VAV2: variants seen among roughly 807,000 people sequenced by gnomAD.
VAV2 encodes guanine nucleotide exchange factor VAV2.
In VAV2, 67 loss-of-function variants were observed where a neutral mutation model predicts 132.5. The observed-to-expected ratio is 0.51, with a 90% CI of 0.42 to 0.62. VAV2 has a LOEUF of 0.62. Ranked by LOEUF, VAV2 falls within the 20% of genes least tolerant of loss-of-function variation. VAV2 has a pLI of 0.00. For missense variants in VAV2, 938 were observed against 1,153.6 expected (o/e 0.81, Z 2.71); for synonymous variants, 492 against 443.5 (o/e 1.11, Z -1.37).
Position 133,777,407 on chromosome 9 carries a change from G to A in VAV2, c.1947C>T (p.Pro649=), listed in dbSNP as rs763484800. ...GACTCACCCTTCCATCCACAGGGCA[G>A]GGCTTCACAGATGAGCTGGGGAAAT... ...SGYFPSSSVK[P]CPVDGRPPIS... Residue 649 remains proline, a synonymous_variant, in exon 23 of 30, where the codon CCC becomes CCT. Transcript: ENST00000371850. 2.5e-6 allele frequency: 4 copies of A among 1,613,834 alleles called. No homozygotes were observed. In the South Asian group the frequency reaches 4.4e-5, roughly 18 times the overall value.
intron 2 of VAV2, among the ~76,000 whole-genome samples, chr9:133,868,299 C>G (rs564059465): frequency 2.6e-5 from 4 of 152,198 alleles, no homozygotes. Context: ...TGAGGTGGGG[C>G]GCGGTGGGGA....
At chr9:133,850,989 C>T (rs1250815181) in intron 3 of VAV2, among the ~76,000 whole-genome samples, 1 of 152,232 alleles carries the variant, frequency 6.6e-6, no homozygotes, top group Non-Finnish European at 1.5e-5. Flanking sequence ...CCCGAGTAGG[C>T]CTAGGGCAGG....
chr9:133,818,443 C>T (rs927234556), intron 4 of VAV2, among the ~76,000 whole-genome samples: 6 of 152,014 alleles, frequency 3.9e-5, no homozygotes, highest in African/African-American at 9.7e-5. Context: ...CCTCAGACAT[C>T]GGAACTCCTC....
At chr9:133,784,199 C>T (rs1016881622) in intron 18 of VAV2, 118 bp downstream of exon 18, 4 of 1,130,826 alleles carry the variant, frequency 3.5e-6, no homozygotes, top group Non-Finnish European at 5.3e-6. Context: ...GGGGTATACT[C>T]CCTTAACCCC....
intron 4 of VAV2, among the ~76,000 whole-genome samples, chr9:133,829,433 G>A (rs544262047): frequency 5.9e-5 from 9 of 152,276 alleles, no homozygotes; most frequent in South Asian, 2.1e-4. Context: ...TGTGCTACCC[G>A]GCACAGAGCC....
chr9:133,982,030 G>A (rs1376587963), intron 1 of VAV2, among the ~76,000 whole-genome samples: 1 of 152,216 alleles, frequency 6.6e-6, no homozygotes, highest in Non-Finnish European at 1.5e-5. Context: ...CAAACTGTGC[G>A]ACCCGGAAGG....
At position 133,788,289 on chromosome 9, in the gene VAV2, C is replaced by G; in HGVS notation, c.1407+65G>C. 7.3e-7 allele frequency: 1 copy of G among 1,374,630 alleles called. No homozygotes were observed. The highest frequency in any genetic ancestry group is 9.8e-7 in the Non-Finnish European group (1 of 1,021,970). 85.2% of individuals were successfully genotyped at this position (1,374,630 alleles called of 1,614,324 possible). ...AGTCCCCTTCCCCTGGGGTCTGGAA[C>G]CCAGTGCCTCTCTCCAGGCCACCCC... On this transcript the variant is annotated intron_variant, in intron 15 of 29. Coordinates refer to ENST00000371850, the MANE Select transcript of VAV2 (RefSeq NM_001134398.2). The surrounding 1 kb of genome is among the most constrained non-coding windows in gnomAD (Gnocchi z 5.3).
chr9:133,926,034 C>T lies in VAV2; in HGVS notation c.321+13069G>A, dbSNP rs1185897754. On this transcript the variant is annotated intron_variant, in intron 2 of 29. Coordinates refer to ENST00000371850, the MANE Select transcript of VAV2 (RefSeq NM_001134398.2). The surrounding 1 kb of genome is among the most constrained non-coding windows in gnomAD (Gnocchi z 4.3). Reference sequence around the variant, plus strand: ...AAAAAAAAAAAAAAAAAAAAGCATGCACCAGTTGCACCAGGACCAGCTAAG... The same window carrying T: ...AAAAAAAAAAAAAAAAAAAAGCATGTACCAGTTGCACCAGGACCAGCTAAG... The T allele has an allele frequency of 7.1e-6, 1 of 140,980 alleles. No homozygotes were observed. The highest frequency in any genetic ancestry group is 1.5e-5 in the Non-Finnish European group (1 of 66,368). The allele number at this position is 140,980 out of a possible 1,614,324, so 8.7% of individuals were successfully genotyped here.
chr9:133,829,328 G>A (rs977249281), intron 4 of VAV2, among the ~76,000 whole-genome samples: 13 of 152,316 alleles, frequency 8.5e-5, no homozygotes, highest in African/African-American at 1.4e-4. Context: ...TCTCAAAAGC[G>A]AGCTTAGAGC....
intron 2 of VAV2, among the ~76,000 whole-genome samples, chr9:133,886,153 C>A (rs187670978): frequency 6.6e-6 from 1 of 152,204 alleles, no homozygotes; most frequent in East Asian, 1.9e-4. Flanking sequence ...CAGGAAGGAG[C>A]ACCCATGTGG....
intron 4 of VAV2, among the ~76,000 whole-genome samples, chr9:133,828,874 C>T (rs907127488): frequency 6.6e-6 from 1 of 152,252 alleles, no homozygotes; most frequent in Admixed American, 6.5e-5. Flanking sequence ...TGGGATAGTG[C>T]CCCGGTCTTC....
intron 4 of VAV2, among the ~76,000 whole-genome samples, chr9:133,830,663 C>A (rs1836227593): frequency 2.0e-5 from 3 of 152,164 alleles, no homozygotes; most frequent in South Asian, 4.1e-4. Context: ...TACTAATAGA[C>A]CTGGCTTCTG....
At chr9:133,820,883 GCGTT>G (rs1835761058) in intron 4 of VAV2, among the ~76,000 whole-genome samples, 1 of 152,200 alleles carries the variant, frequency 6.6e-6, no homozygotes, top group Non-Finnish European at 1.5e-5. Flanking sequence ...CCTCACCTCA[GCGTT>G]CTCACTAGAC....
At chr9:133,900,857 G>A (rs1295622306) in intron 2 of VAV2, among the ~76,000 whole-genome samples, 4 of 151,446 alleles carry the variant, frequency 2.6e-5, no homozygotes, top group Non-Finnish European at 2.9e-5. Context: ...AGAGTGCAGT[G>A]GCAGGATCTC....
chr9:133,763,743 C>A lies in VAV2; in HGVS notation c.*319G>T, dbSNP rs1833340859. The stretch of plus-strand genomic sequence containing the variant: ...GAAGGCCATCTCAGTTGGACAGGGG[C>A]AGGCGATGGGCCTCTGGCCTCAGCC... On this transcript the variant is annotated 3_prime_UTR_variant, in exon 30 of 30. Coordinates refer to ENST00000371850, the MANE Select transcript of VAV2 (RefSeq NM_001134398.2). The surrounding 1 kb of genome is among the most constrained non-coding windows in gnomAD (Gnocchi z 6.8). 2.6e-6 allele frequency: 1 copy of A among 384,326 alleles called. No individual in the cohort carries two copies. Among genetic ancestry groups the A allele is most frequent in the African/African-American group, 2.1e-5 (1 of 48,404 alleles). The allele number at this position is 384,326 out of a possible 1,614,324, so 23.8% of individuals were successfully genotyped here.
At position 133,824,193 on chromosome 9, in the gene VAV2, C is replaced by T. The variant is rs1055692889; in HGVS notation, c.449+10079G>A. ...CAGCCCCACAGGGAAGTGCTGATGG[C>T]TCTGTTAACAGGGAAGGTGCGGACA... On this transcript the variant is annotated intron_variant, in intron 4 of 29. Transcript: ENST00000371850. The surrounding 1 kb of genome is among the most constrained non-coding windows in gnomAD (Gnocchi z 5.2). Among the ~76,000 whole-genome samples the T allele has an allele frequency of 4.6e-5, 7 of 152,092 alleles. No individual in the cohort carries two copies. The highest frequency in any genetic ancestry group is 1.4e-4 in the African/African-American group (6 of 41,422).
intron 1 of VAV2, among the ~76,000 whole-genome samples, chr9:133,975,701 AAC>A (rs1438040829): frequency 6.6e-6 from 1 of 152,212 alleles, no homozygotes; most frequent in Admixed American, 6.5e-5. Context: ...CTCACCCAAG[AAC>A]ACAGAGGCAC....
intron 2 of VAV2, among the ~76,000 whole-genome samples, chr9:133,905,285 A>T (rs1588346487): frequency 6.6e-6 from 1 of 151,330 alleles, no homozygotes; most frequent in Non-Finnish European, 1.5e-5. Flanking sequence ...AAATACAAAA[A>T]ATTAGCCGGG....
chr9:133,806,811 T>C (rs1281131411), intron 8 of VAV2, among the ~76,000 whole-genome samples: 1 of 152,216 alleles, frequency 6.6e-6, no homozygotes, highest in Non-Finnish European at 1.5e-5. Flanking sequence ...AGCCCACCCA[T>C]GCACGGCTGC....
Sources: allele counts gnomAD v4.1 joint callset (sites outside exome capture counted in the v4.1 genomes callset), GRCh38; gene constraint gnomAD v4.1.1; non-coding constraint Gnocchi (gnomAD v3.1); transcripts MANE v1.5; gene names NCBI Gene and HGNC (gene_info 2026-07-23, HGNC 2026-07-21).